GCGR: variants seen among roughly 807,000 people sequenced by gnomAD.
The protein encoded by GCGR is glucagon receptor.
GCGR carries 41 observed loss-of-function variants against 56.1 expected under a neutral mutation model. That is an observed-to-expected ratio of 0.73 (90% CI 0.57 to 0.95). The LOEUF (loss-of-function observed/expected upper bound fraction) is 0.95, where lower values mean the gene tolerates loss of function less well. Ranked by LOEUF, GCGR falls within the 40% of genes least tolerant of loss-of-function variation. The pLI is 0.00. For missense variants in GCGR, 595 were observed against 638.2 expected (o/e 0.93, Z 0.73); for synonymous variants, 278 against 271.1 (o/e 1.03, Z -0.25).
In GCGR at chr17:81,804,875, T is replaced by TCCGACTCTGAA. The variant is rs2143081959; in HGVS notation, c.-178+633_-178+643dup. Among the ~76,000 whole-genome samples, 1 of 151,710 alleles carries TCCGACTCTGAA rather than the reference T, an allele frequency of 6.6e-6. No homozygotes were observed. Among genetic ancestry groups the TCCGACTCTGAA allele is most frequent in the South Asian group, 2.1e-4 (1 of 4,798 alleles). ...GCCGACTCGGCCACCGGGCTTATGC[T>TCCGACTCTGAA]CCGACTCTGAACCGACTGACCCCGG... On this transcript the variant is annotated intron_variant, in intron 1 of 13. Coordinates refer to ENST00000400723, the MANE Select transcript of GCGR (RefSeq NM_000160.5). This position sits in a 1 kb window ranked among gnomAD's most constrained non-coding sequence, Gnocchi z 8.2.
At chr17:81,809,587 C>T (rs1445982443) in intron 2 of GCGR, among the ~76,000 whole-genome samples, 195 bp from the exon 3 acceptor site, 2 of 151,322 alleles carry the variant, frequency 1.3e-5, no homozygotes, top group Non-Finnish European at 2.9e-5. Flanking sequence ...GTCCGTCTGT[C>T]CATCTGCCTA....
At chr17:81,807,356 G>C (rs1280000233) in intron 1 of GCGR, among the ~76,000 whole-genome samples, 2 of 152,234 alleles carry the variant, frequency 1.3e-5, no homozygotes, top group Non-Finnish European at 2.9e-5. Context: ...CTCTTTAGCA[G>C]TCTGTGACGC....
At position 81,810,284 on chromosome 17, in the gene GCGR, G is replaced by T; in HGVS notation, c.163+400G>T. On this transcript the variant is annotated intron_variant, in intron 3 of 13. Transcript: ENST00000400723. This position sits in a 1 kb window ranked among gnomAD's most constrained non-coding sequence, Gnocchi z 4.6. ...ATATCATGGCCTGGACACTTGGGGT[G>T]CAGGGAGAGGATAGGGCTGGAGGAC... 2 of 354,752 alleles carry T rather than the reference G, an allele frequency of 5.6e-6. No homozygotes were observed. Among genetic ancestry groups the T allele is most frequent in the Non-Finnish European group, 1.1e-5 (2 of 183,088 alleles). The allele number at this position is 354,752 out of a possible 1,614,324, so 22.0% of individuals were successfully genotyped here.
At chr17:81,808,085 C>T (rs886711871) in intron 1 of GCGR, among the ~76,000 whole-genome samples, 36 of 152,368 alleles carry the variant, frequency 2.4e-4, no homozygotes, top group South Asian at 8.3e-4. Flanking sequence ...CCTAGGCACC[C>T]CGGTGCTGGG....
In GCGR at chr17:81,809,738, CCTGT is replaced by C. The variant is rs762597738; in HGVS notation, c.61-28_61-25del. ...GTCTGTCTGCCTGTCTGTCTGCCTG[CCTGT>C]CTGTCTGTCTGTCTGGTTGCTTGTG... On this transcript the variant is annotated intron_variant, in intron 2 of 13. Transcript: ENST00000400723. The C allele has an allele frequency of 4.1e-4, 575 of 1,416,816 alleles. 1 individual carries two copies. Among genetic ancestry groups the C allele is most frequent in the South Asian group, 1.7e-3 (134 of 81,048 alleles). The allele number at this position is 1,416,816 out of a possible 1,614,324, so 87.8% of individuals were successfully genotyped here.
At position 81,812,043 on chromosome 17, in the gene GCGR, C is replaced by T; in HGVS notation, c.878+97C>T. 1 of 1,511,886 alleles carries T rather than the reference C, an allele frequency of 6.6e-7. No individual in the cohort carries two copies. The highest frequency in any genetic ancestry group is 1.4e-5 in the African/African-American group (1 of 72,602). The allele number at this position is 1,511,886 out of a possible 1,614,324, so 93.7% of individuals were successfully genotyped here. On this transcript the variant is annotated intron_variant, in intron 9 of 13. Transcript: ENST00000400723. This position sits in a 1 kb window ranked among gnomAD's most constrained non-coding sequence, Gnocchi z 8.5. ...GGAGGGGCCGGGGATGAGCCTGGTG[C>T]CTGGGGAGGGGGTCATTTGTGACCT...
chr17:81,807,336 C>A (rs138583122), intron 1 of GCGR, among the ~76,000 whole-genome samples: 22,408 of 152,240 alleles, frequency 0.15, 1,802 homozygotes, highest in Admixed American at 0.21. Context: ...CCAAGGGCTG[C>A]GGTTGGGAGC....
In GCGR at chr17:81,812,376, C is replaced by A; in HGVS notation, c.948+124C>A. On this transcript the variant is annotated intron_variant, in intron 10 of 13. Coordinates refer to ENST00000400723, the MANE Select transcript of GCGR (RefSeq NM_000160.5). This position sits in a 1 kb window ranked among gnomAD's most constrained non-coding sequence, Gnocchi z 8.5. ...GGAGGGAGCCGGCACCCAGACAGGACACCAGGACACTGGCCAGCACCCTGG... is the reference window on the plus strand; with the variant it reads ...GGAGGGAGCCGGCACCCAGACAGGAAACCAGGACACTGGCCAGCACCCTGG... The A allele has an allele frequency of 2.6e-6, 3 of 1,165,690 alleles. No homozygotes were observed. The highest frequency in any genetic ancestry group is 1.4e-5 in the South Asian group (1 of 72,688). 72.2% of individuals were successfully genotyped at this position (1,165,690 alleles called of 1,614,324 possible).
rs1266924744 is a variant in GCGR at position 81,812,227 on chromosome 17, G to T, written c.923G>T (p.Arg308Leu). The T allele has an allele frequency of 1.3e-6, 2 of 1,535,922 alleles. No homozygotes were observed. Among genetic ancestry groups the T allele is most frequent in the African/African-American group, 2.7e-5 (2 of 73,084 alleles). Residue 308 changes from arginine (R) to leucine (L), a missense_variant, in exon 10 of 14, where the codon CGG becomes CTG. Arg to Leu is a moderately radical substitution (Grantham distance 102). Coordinates refer to ENST00000400723, the MANE Select transcript of GCGR (RefSeq NM_000160.5). The surrounding 1 kb of genome is among the most constrained non-coding windows in gnomAD (Gnocchi z 8.5). ...AACATGGGCTTCTGGTGGATCCTGC[G>T]GTTCCCCGTCTTCCTGGCCATCCTG... ...NDNMGFWWILRFPVFLAILIN... is the reference protein window; with the variant it reads ...NDNMGFWWILLFPVFLAILIN...
Position 81,812,022 on chromosome 17 carries a change from G to A in GCGR, c.878+76G>A. On this transcript the variant is annotated intron_variant, in intron 9 of 13. Transcript: ENST00000400723. This position sits in a 1 kb window ranked among gnomAD's most constrained non-coding sequence, Gnocchi z 8.5. ...CGGCGCTCTGGCCTGAGGCAGGGAGGGGCCGGGGATGAGCCTGGTGCCTGG... is the reference window on the plus strand; with the variant it reads ...CGGCGCTCTGGCCTGAGGCAGGGAGAGGCCGGGGATGAGCCTGGTGCCTGG... The A allele has an allele frequency of 1.3e-6, 2 of 1,526,562 alleles. No individual in the cohort carries two copies. The highest frequency in any genetic ancestry group is 2.0e-5 in the Admixed American group (1 of 50,956). The allele number at this position is 1,526,562 out of a possible 1,614,324, so 94.6% of individuals were successfully genotyped here.
At chr17:81,809,703 C>T (rs959527719) in intron 2 of GCGR, 79 bp from the exon 3 acceptor site, 10 of 1,115,444 alleles carry the variant, frequency 9.0e-6, no homozygotes, top group Non-Finnish European at 1.3e-5. Context: ...ACCTGCCTGC[C>T]TGTCTGCCTG....
In GCGR at chr17:81,813,772, G is replaced by C; in HGVS notation, c.*83G>C. 1 of 1,358,354 alleles carries C rather than the reference G, an allele frequency of 7.4e-7. No individual in the cohort carries two copies. Among genetic ancestry groups the C allele is most frequent in the Non-Finnish European group, 9.9e-7 (1 of 1,008,322 alleles). The allele number at this position is 1,358,354 out of a possible 1,614,324, so 84.1% of individuals were successfully genotyped here. ...AACCCAGAACTGGACGCCCAGCTGA[G>C]GCTGGGGGCGGGGGAGCCAACAGCA... On this transcript the variant is annotated 3_prime_UTR_variant, in exon 14 of 14. Transcript: ENST00000400723. This position sits in a 1 kb window ranked among gnomAD's most constrained non-coding sequence, Gnocchi z 5.3.
rs936069797 is a variant in GCGR at position 81,804,183 on chromosome 17, G to C, written c.-244G>C. 2.0e-5 allele frequency: 3 copies of C among 151,310 alleles called. No individual in the cohort carries two copies. Among genetic ancestry groups the C allele is most frequent in the African/African-American group, 7.3e-5 (3 of 41,344 alleles). 9.4% of individuals were successfully genotyped at this position (151,310 alleles called of 1,614,324 possible). On this transcript the variant is annotated 5_prime_UTR_variant, in exon 1 of 14. Coordinates refer to ENST00000400723, the MANE Select transcript of GCGR (RefSeq NM_000160.5). This position sits in a 1 kb window ranked among gnomAD's most constrained non-coding sequence, Gnocchi z 8.2. ...AGCGCCGCGAAGACGAGCGGTCACC[G>C]GCGCCCGACCCGAGCGCGCCCAGAG...
rs2038089222 is a variant in GCGR at position 81,811,165 on chromosome 17, G to T, written c.393+34G>T. ...GCGGCAGGCAGGCGCGGTGGGGCTG[G>T]ATGGGAACGGGCATGGGGGCCCCTG... On this transcript the variant is annotated intron_variant, in intron 5 of 13. Coordinates refer to ENST00000400723, the MANE Select transcript of GCGR (RefSeq NM_000160.5). The surrounding 1 kb of genome is among the most constrained non-coding windows in gnomAD (Gnocchi z 5.8). The T allele has an allele frequency of 1.3e-6, 2 of 1,535,974 alleles. No individual in the cohort carries two copies. The highest frequency in any genetic ancestry group is 1.4e-5 in the African/African-American group (1 of 73,036).
Position 81,804,256 on chromosome 17 carries a change from A to C in GCGR, c.-178+7A>C, listed in dbSNP as rs1472183329. On this transcript the variant is annotated splice_region_variant and intron_variant, in intron 1 of 13. Transcript: ENST00000400723. This position sits in a 1 kb window ranked among gnomAD's most constrained non-coding sequence, Gnocchi z 8.2. ...CCCCGAGCAGCGCCGCGCGGTGAGC[A>C]CCTGGGCCGCGGCCCCGAGGGGACG... 2.0e-5 allele frequency: 3 copies of C among 151,080 alleles called. No individual in the cohort carries two copies. Among genetic ancestry groups the C allele is most frequent in the Non-Finnish European group, 4.4e-5 (3 of 67,670 alleles). 9.4% of individuals were successfully genotyped at this position (151,080 alleles called of 1,614,324 possible).
In GCGR at chr17:81,809,158, G is replaced by C. The variant is rs1044837912; in HGVS notation, c.60+80G>C. 8.9e-6 allele frequency: 13 copies of C among 1,463,708 alleles called. No homozygotes were observed. In the African/African-American group the frequency reaches 1.7e-4, roughly 19 times the overall value. 90.7% of individuals were successfully genotyped at this position (1,463,708 alleles called of 1,614,324 possible). On this transcript the variant is annotated intron_variant, in intron 2 of 13. Coordinates refer to ENST00000400723, the MANE Select transcript of GCGR (RefSeq NM_000160.5). ...CTGATGGCTCTCTGTCTGCCTGCCT[G>C]CCTGCCTGCCTGTCTGCCTGCCTGT...
Position 81,813,738 on chromosome 17 carries a change from T to A in GCGR, c.*49T>A. 2.6e-6 allele frequency: 4 copies of A among 1,510,278 alleles called. No individual in the cohort carries two copies. Among genetic ancestry groups the A allele is most frequent in the Non-Finnish European group, 3.5e-6 (4 of 1,127,888 alleles). The allele number at this position is 1,510,278 out of a possible 1,614,324, so 93.6% of individuals were successfully genotyped here. The stretch of plus-strand genomic sequence containing the variant: ...GCTGGACTCTGGCACCCAGAGGGCG[T>A]CGCTGGACAACCCAGAACTGGACGC... On this transcript the variant is annotated 3_prime_UTR_variant, in exon 14 of 14. Coordinates refer to ENST00000400723, the MANE Select transcript of GCGR (RefSeq NM_000160.5). The surrounding 1 kb of genome is among the most constrained non-coding windows in gnomAD (Gnocchi z 5.3).
chr17:81,810,364 G>A lies in GCGR; in HGVS notation c.164-461G>A. 1 of 330,488 alleles carries A rather than the reference G, an allele frequency of 3.0e-6. No homozygotes were observed. The highest frequency in any genetic ancestry group is 4.3e-5 in the Admixed American group (1 of 23,228). The allele number at this position is 330,488 out of a possible 1,614,324, so 20.5% of individuals were successfully genotyped here. The stretch of plus-strand genomic sequence containing the variant: ...TGAGGGAGGCAGCCACCACTGGGCA[G>A]AGGGGGGCAGGTGTGGCAGCCTCCA... On this transcript the variant is annotated intron_variant, in intron 3 of 13. Coordinates refer to ENST00000400723, the MANE Select transcript of GCGR (RefSeq NM_000160.5). This position sits in a 1 kb window ranked among gnomAD's most constrained non-coding sequence, Gnocchi z 4.6.
At chr17:81,805,468 A>G (rs2037938081) in intron 1 of GCGR, among the ~76,000 whole-genome samples, 1 of 151,976 alleles carries the variant, frequency 6.6e-6, no homozygotes, top group Non-Finnish European at 1.5e-5. Context: ...GGGGGTCTAG[A>G]GAAGGCGGGC....
Sources: gnomAD v4.1 joint callset for allele counts (sites outside exome capture counted in the v4.1 genomes callset) on GRCh38, gnomAD v4.1.1 for gene constraint, Gnocchi (gnomAD v3.1) non-coding constraint, MANE v1.5 for transcripts, NCBI Gene and HGNC (gene_info 2026-07-23, HGNC 2026-07-21) for gene names.